ACSM2B: variants seen among roughly 807,000 people sequenced by gnomAD.
ACSM2B encodes the protein acyl-coenzyme A synthetase ACSM2B, mitochondrial.
Under a neutral mutation model 78.6 loss-of-function variants are expected in ACSM2B, and 58 were observed. That is an observed-to-expected ratio of 0.74 (90% CI 0.60 to 0.92). The LOEUF (loss-of-function observed/expected upper bound fraction) is 0.92. ACSM2B is among the 40% of genes least tolerant of loss of function. ACSM2B has a pLI of 0.00. For synonymous variants in ACSM2B, 257 were observed against 256.8 expected (o/e 1.00, Z -0.01); for missense variants, 688 against 711.2 (o/e 0.97, Z 0.37).
At chr16:20,540,851 A>C (rs1316389414) in intron 12 of ACSM2B, 78 bp from the exon 13 acceptor site, 1 of 1,563,702 alleles carries the variant, frequency 6.4e-7, no homozygotes, top group East Asian at 2.3e-5. Context: ...AATTAGCATT[A>C]AGACTTGCAT....
At position 20,566,278 on chromosome 16, in the gene ACSM2B, T is replaced by G. The variant is rs1451255953; in HGVS notation, c.-8-1425A>C. 9.1e-4 allele frequency among the ~76,000 whole-genome samples: 108 copies of G among 118,840 alleles called. 1 individual carries two copies. The highest frequency in any genetic ancestry group is 2.9e-3 in the African/African-American group (103 of 35,008). The allele number at this position is 118,840 out of a possible 152,430, so 78.0% of individuals were successfully genotyped here. A position where few individuals can be genotyped will look rare whatever the true frequency, so the allele number is the denominator to read the frequency against. On this transcript the variant is annotated intron_variant, in intron 1 of 13. Transcript: ENST00000329697. ...ATATATATATATATATATATATATA[T>G]ATATATAGACAGATATATAGATATA... is the stretch of plus-strand genomic sequence containing the variant.
intron 2 of ACSM2B, among the ~76,000 whole-genome samples, chr16:20,564,339 C>G (rs1193350805): frequency 6.6e-6 from 1 of 151,822 alleles, no homozygotes; most frequent in Non-Finnish European, 1.5e-5. Flanking sequence ...AGATTCAAAC[C>G]CGCCTCTTCT....
chr16:20,539,166 G>A (rs895774988), intron 13 of ACSM2B, among the ~76,000 whole-genome samples: 8 of 144,442 alleles, frequency 5.5e-5, no homozygotes, highest in Admixed American at 4.2e-4. Flanking sequence ...CAACCTCACC[G>A]TCTGCTCAGT....
In ACSM2B at chr16:20,552,307, C is replaced by G. The variant is rs1466029214; in HGVS notation, c.741-10G>C. On this transcript the variant is annotated splice_polypyrimidine_tract_variant and intron_variant, in intron 5 of 13. Coordinates refer to ENST00000329697, the MANE Select transcript of ACSM2B (RefSeq NM_001105069.2). ...TTGCAGGCCTGTCCAACTGAAAACA[C>G]AGACAAAACACATGTACATATAGGT... 1 of 1,605,960 alleles carries G rather than the reference C, an allele frequency of 6.2e-7. No individual in the cohort carries two copies. Among genetic ancestry groups the G allele is most frequent in the Admixed American group, 1.7e-5 (1 of 58,726 alleles).
chr16:20,559,165 T>G, intron 3 of ACSM2B, 72 bp downstream of exon 3: 1 of 1,493,794 alleles, frequency 6.7e-7, no homozygotes, highest in Non-Finnish European at 9.0e-7. Context: ...TTGAGAGAGG[T>G]GGCTGCATTT....
rs372134401 is a variant in ACSM2B, at chr16:20,555,621, G to A, written c.389-145C>T. ...AATGGAGAACGTCAATAAAAAAGGG[G>A]ACTAAGGACTAGGGAGTGAATGAAA... On this transcript the variant is annotated intron_variant, in intron 3 of 13. Coordinates refer to ENST00000329697, the MANE Select transcript of ACSM2B (RefSeq NM_001105069.2). The A allele has an allele frequency of 8.9e-4, 1,303 of 1,459,588 alleles. 20 individuals carry two copies. The East Asian group carries it at 0.012, about 13-fold the overall frequency. 90.4% of individuals were successfully genotyped at this position (1,459,588 alleles called of 1,614,324 possible).
At chr16:20,538,908 C>T (rs2014915580) in intron 13 of ACSM2B, among the ~76,000 whole-genome samples, 1 of 152,052 alleles carries the variant, frequency 6.6e-6, no homozygotes, top group African/African-American at 2.4e-5. Context: ...AGCTAAGATC[C>T]TCCTCCAGGG....
chr16:20,571,952 TTATG>T (rs2016104017), intron 1 of ACSM2B, among the ~76,000 whole-genome samples: 1 of 151,586 alleles, frequency 6.6e-6, no homozygotes, highest in South Asian at 2.1e-4. Context: ...TACCTTAAGT[TTATG>T]TGAGTTCTTG....
intron 2 of ACSM2B, among the ~76,000 whole-genome samples, chr16:20,563,614 T>C (rs1050214133): frequency 2.6e-5 from 4 of 151,978 alleles, no homozygotes; most frequent in African/African-American, 7.3e-5. Context: ...GAAATCTAAA[T>C]TTCTGTTTGA....
intron 1 of ACSM2B, among the ~76,000 whole-genome samples, chr16:20,567,097 A>G (rs1346611164): frequency 1.5e-5 from 2 of 135,558 alleles, no homozygotes; most frequent in African/African-American, 5.4e-5. Flanking sequence ...TATATATAAT[A>G]TCATAATATA....
intron 9 of ACSM2B, among the ~76,000 whole-genome samples, chr16:20,545,705 T>A (rs141814409): frequency 0.034 from 5,203 of 152,278 alleles, 305 homozygotes; most frequent in African/African-American, 0.12. Flanking sequence ...TTTATAGGAA[T>A]GAAATAAGAT....
chr16:20,553,674 AACCAC>A, intron 5 of ACSM2B, 98 bp downstream of exon 5: 1 of 1,506,990 alleles, frequency 6.6e-7, no homozygotes, highest in East Asian at 2.3e-5. Context: ...TCTTTCTCAG[AACCAC>A]AAGGTGGTGA....
At chr16:20,568,275 A>T (rs1357112936) in intron 1 of ACSM2B, among the ~76,000 whole-genome samples, 1 of 145,036 alleles carries the variant, frequency 6.9e-6, no homozygotes, top group Non-Finnish European at 1.5e-5. Flanking sequence ...AACATATAGT[A>T]TATATAGATA....
intron 2 of ACSM2B, among the ~76,000 whole-genome samples, chr16:20,559,989 A>C (rs2015603241): frequency 6.6e-6 from 1 of 150,958 alleles, no homozygotes; most frequent in Non-Finnish European, 1.5e-5. Flanking sequence ...CTATCTACTT[A>C]CTTTTTTTAA....
At chr16:20,572,824 T>C (rs1002341247) in intron 1 of ACSM2B, among the ~76,000 whole-genome samples, 12 of 152,006 alleles carry the variant, frequency 7.9e-5, no homozygotes, top group African/African-American at 2.9e-4. Context: ...AAATCTTGTC[T>C]TCAAGCTCTG....
At position 20,542,974 on chromosome 16, in the gene ACSM2B, C is replaced by G; in HGVS notation, c.1449G>C (p.Met483Ile). 1 of 1,613,672 alleles carries G rather than the reference C, an allele frequency of 6.2e-7. No individual in the cohort carries two copies. The highest frequency in any genetic ancestry group is 8.5e-7 in the Non-Finnish European group (1 of 1,179,860). ...IGPSEVENAL[M>I]KHPAVVETAV... ...CCGTCTCAACCACAGCAGGGTGCTT[C>G]ATCAGTGCATTCTCTACCTCCGAGG... The change falls in exon 12 of 14, where the codon ATG becomes ATC. Residue 483 changes from methionine to isoleucine, a missense_variant. Physicochemically the swap from Met to Ile is conservative, Grantham distance 10. Transcript: ENST00000329697.
At chr16:20,553,169 T>C (rs1253556229) in intron 5 of ACSM2B, among the ~76,000 whole-genome samples, 1 of 152,190 alleles carries the variant, frequency 6.6e-6, no homozygotes, top group Non-Finnish European at 1.5e-5. Context: ...CATTAATGTA[T>C]CTTCCCATTC....
At chr16:20,555,568 G>C in intron 3 of ACSM2B, 92 bp from the exon 4 acceptor site, 1 of 1,571,738 alleles carries the variant, frequency 6.4e-7, no homozygotes. Context: ...GAGCAAGTGG[G>C]GAAGGAGAGG....
At chr16:20,538,364 T>C (rs1263129506) in intron 13 of ACSM2B, among the ~76,000 whole-genome samples, 1 of 152,190 alleles carries the variant, frequency 6.6e-6, no homozygotes, top group Non-Finnish European at 1.5e-5. Flanking sequence ...GTCATACCCA[T>C]GCATTTAGAA....
Sources: gnomAD v4.1 joint callset for allele counts (sites outside exome capture counted in the v4.1 genomes callset) on GRCh38, gnomAD v4.1.1 for gene constraint, MANE v1.5 for transcripts, NCBI Gene and HGNC (gene_info 2026-07-23, HGNC 2026-07-21) for gene names.